Variants in COPG2 observed in about 807,000 individuals in gnomAD.
COPG2 encodes the protein coat protein complex I subunit gamma 2, also known as coatomer subunit gamma-2.
COPG2 carries 37 observed loss-of-function variants against 46.3 expected under a neutral mutation model. The ratio of observed to expected loss-of-function variants is 0.80; its 90% CI spans 0.61 to 1.05. The LOEUF is 1.05. COPG2 is among the 50% of genes least tolerant of loss of function. The pLI, the probability that COPG2 is intolerant of heterozygous loss-of-function variation, is 0.00. For missense variants in COPG2, 427 were observed against 387.8 expected (o/e 1.10, Z -0.85); for synonymous variants, 159 against 129.7 (o/e 1.23, Z -1.53).
chr7:130,569,975 T>C (rs1793868091), intron 9 of COPG2, among the ~76,000 whole-genome samples: 1 of 152,218 alleles, frequency 6.6e-6, no homozygotes, highest in Non-Finnish European at 1.5e-5. Context: ...TTTCAATGGA[T>C]GCCAAAAAAG....
At chr7:130,652,822 C>T (rs1227360021) in intron 5 of COPG2, 47 bp downstream of exon 5, 1 of 1,209,338 alleles carries the variant, frequency 8.3e-7, no homozygotes, top group African/African-American at 1.5e-5. Context: ...AGAAAGCAAA[C>T]AGCAAATATA....
chr7:130,587,310 AAAAAG>A (rs1177733329), intron 9 of COPG2, among the ~76,000 whole-genome samples: 6 of 152,144 alleles, frequency 3.9e-5, no homozygotes, highest in South Asian at 4.2e-4. Context: ...CCATCTCAAA[AAAAAG>A]AAAAGAAAAG....
chr7:130,556,471 G>A (rs994803568), intron 12 of COPG2, among the ~76,000 whole-genome samples: 1 of 151,932 alleles, frequency 6.6e-6, no homozygotes, highest in Non-Finnish European at 1.5e-5. Flanking sequence ...ACCAACAATC[G>A]GATAACCCCA....
intron 4 of COPG2, among the ~76,000 whole-genome samples, chr7:130,657,972 A>T (rs1401992706): frequency 1.3e-5 from 2 of 152,218 alleles, no homozygotes; most frequent in African/African-American, 4.8e-5. Context: ...ATTTTAGAAA[A>T]ATGGGTTGGT....
At position 130,630,023 on chromosome 7, in the gene COPG2, T is replaced by G. The variant is rs1337168731; in HGVS notation, c.324-12958A>C. On this transcript the variant is annotated intron_variant, in intron 5 of 23. Transcript: ENST00000425248. Reference sequence around the variant, plus strand: ...ACCTCTGCCTCCCGGGTTCAAGTGATTCTCTCGCCTCAGCCTCCCAAGTAC... The same window carrying G: ...ACCTCTGCCTCCCGGGTTCAAGTGAGTCTCTCGCCTCAGCCTCCCAAGTAC... Among the ~76,000 whole-genome samples, 7 of 152,004 alleles carry G rather than the reference T, an allele frequency of 4.6e-5. No homozygotes were observed. In the East Asian group the frequency reaches 1.4e-3, roughly 29 times the overall value.
chr7:130,567,223 T>C (rs1793818761), intron 9 of COPG2, among the ~76,000 whole-genome samples: 1 of 152,186 alleles, frequency 6.6e-6, no homozygotes, highest in African/African-American at 2.4e-5. Flanking sequence ...AAGGGAACAA[T>C]AGGCACTGGA....
intron 23 of COPG2, 135 bp from the exon 24 acceptor site, chr7:130,506,941 C>A (rs1175626200): frequency 5.0e-6 from 3 of 603,844 alleles, no homozygotes; most frequent in East Asian, 5.4e-5. Flanking sequence ...GAAACTGAAT[C>A]CTAAACAAAC....
At chr7:130,605,256 A>G (rs1554451061) in intron 9 of COPG2, 1 of 519,966 alleles carries the variant, frequency 1.9e-6, no homozygotes, top group Admixed American at 1.9e-5. Context: ...TGTTAAGTCC[A>G]TTCAGCAAAT....
In COPG2 at chr7:130,668,723, C is replaced by G; in HGVS notation, c.-55G>C. ...CCGCAACCGTCCCAGGCGCCGCAGC[C>G]GGCGAGCGGAAGAGGCTGCAGGAAG... On this transcript the variant is annotated 5_prime_UTR_variant, in exon 1 of 24. Coordinates refer to ENST00000425248, the MANE Select transcript of COPG2 (RefSeq NM_012133.6). The G allele has an allele frequency of 6.7e-7, 1 of 1,501,622 alleles. No homozygotes were observed. The highest frequency in any genetic ancestry group is 8.9e-7 in the Non-Finnish European group (1 of 1,123,764). 93.0% of individuals were successfully genotyped at this position (1,501,622 alleles called of 1,614,324 possible).
intron 9 of COPG2, among the ~76,000 whole-genome samples, chr7:130,584,140 G>A (rs1018551892): frequency 2.0e-5 from 3 of 151,996 alleles, no homozygotes; most frequent in Non-Finnish European, 2.9e-5. Flanking sequence ...TACCAGGGAT[G>A]CAGGGATGGT....
At chr7:130,641,105 T>A (rs1356242773) in intron 5 of COPG2, among the ~76,000 whole-genome samples, 2 of 143,378 alleles carry the variant, frequency 1.4e-5, no homozygotes, top group Admixed American at 1.5e-4. Context: ...TTTGGGAGGC[T>A]GAGATGAGAG....
intron 4 of COPG2, among the ~76,000 whole-genome samples, chr7:130,654,847 T>A (rs753805681): frequency 1.3e-5 from 2 of 152,106 alleles, no homozygotes; most frequent in Non-Finnish European, 2.9e-5. Context: ...GTTTGTTTGT[T>A]TGTTTGTCCT....
chr7:130,614,903 A>G (rs1794920611), intron 6 of COPG2, among the ~76,000 whole-genome samples: 1 of 152,142 alleles, frequency 6.6e-6, no homozygotes, highest in South Asian at 2.1e-4. Context: ...GTCTTACCAT[A>G]CCCTAGGAAA....
intron 20 of COPG2, among the ~76,000 whole-genome samples, chr7:130,513,976 A>G (rs1275220142): frequency 6.6e-6 from 1 of 152,174 alleles, no homozygotes; most frequent in African/African-American, 2.4e-5. Flanking sequence ...GTAAAGGGAG[A>G]ACTATACAAA....
intron 5 of COPG2, among the ~76,000 whole-genome samples, chr7:130,620,466 G>A (rs1204467218): frequency 6.6e-6 from 1 of 152,114 alleles, no homozygotes. Context: ...GTGCCACAGG[G>A]ACTATTCCCA....
At chr7:130,643,567 T>C (rs1795533099) in intron 5 of COPG2, among the ~76,000 whole-genome samples, 2 of 152,220 alleles carry the variant, frequency 1.3e-5, no homozygotes, top group Admixed American at 6.5e-5. Flanking sequence ...GGTTCTCTTT[T>C]AACTCAAGGC....
In COPG2 at chr7:130,507,291, T is replaced by A. The variant is rs1554440300; in HGVS notation, c.2468A>T (p.His823Leu). 1 of 780,702 alleles carries A rather than the reference T, an allele frequency of 1.3e-6. No individual in the cohort carries two copies. Among genetic ancestry groups the A allele is most frequent in the Non-Finnish European group, 2.4e-6 (1 of 417,834 alleles). 48.4% of individuals were successfully genotyped at this position (780,702 alleles called of 1,614,324 possible). ...CTTCTTACCTGCCAGATAGAGCGAA[T>A]GGGAATTCTTGTTCTCAGGTACTTT... Reference protein sequence around the residue: ...SDKVPENKNSHSLYLAGIFRG... With the variant: ...SDKVPENKNSLSLYLAGIFRG... The change falls in exon 23 of 24, where the codon CAT (histidine) becomes CTT (leucine). Residue 823 changes from histidine (H) to leucine (L), a missense_variant. His to Leu is a moderately conservative substitution (Grantham distance 99). Coordinates refer to ENST00000425248, the MANE Select transcript of COPG2 (RefSeq NM_012133.6).
At chr7:130,550,866 A>G (rs1254792632) in intron 16 of COPG2, among the ~76,000 whole-genome samples, 1 of 152,242 alleles carries the variant, frequency 6.6e-6, no homozygotes, top group Non-Finnish European at 1.5e-5. Context: ...GGAGCATAGC[A>G]TACACATTTT....
intron 20 of COPG2, among the ~76,000 whole-genome samples, chr7:130,515,799 G>A (rs1227914758): frequency 6.6e-6 from 1 of 152,144 alleles, no homozygotes; most frequent in African/African-American, 2.4e-5. Context: ...AAGCAGGCCA[G>A]TGAGGAAGGG....
Sources: allele counts gnomAD v4.1 joint callset (sites outside exome capture counted in the v4.1 genomes callset), GRCh38; gene constraint gnomAD v4.1.1; transcripts MANE v1.5; gene names NCBI Gene and HGNC (gene_info 2026-07-23, HGNC 2026-07-21).